Variants in PCSK5 observed in about 807,000 individuals in gnomAD.
PCSK5 encodes prohormone convertase 5.
A neutral mutation model predicts 233.2 loss-of-function variants in PCSK5; 129 were observed. That is an observed-to-expected ratio of 0.55 (90% CI 0.48 to 0.64). PCSK5 has a LOEUF of 0.64. PCSK5 is among the 30% of genes least tolerant of loss of function. The pLI, the probability that PCSK5 is intolerant of heterozygous loss-of-function variation, is 0.00. For synonymous variants in PCSK5, 825 were observed against 879.2 expected (o/e 0.94, Z 1.09); for missense variants, 2,076 against 2,430.1 (o/e 0.85, Z 3.06).
At position 76,350,123 on chromosome 9, in the gene PCSK5, AAAG is replaced by A. The variant is rs530172249; in HGVS notation, c.4967-702_4967-700del. Among the ~76,000 whole-genome samples the A allele has an allele frequency of 2.0e-3, 299 of 151,674 alleles. 1 individual carries two copies. The highest frequency in any genetic ancestry group is 7.1e-3 in the African/African-American group (291 of 41,254). ...CAAGACCCCATCTGAAAAAAAAAAA[AAAG>A]AAAGAAAGACAGATCAACGGATTAT... On this transcript the variant is annotated intron_variant, in intron 35 of 37. Transcript: ENST00000674117.
intron 30 of PCSK5, among the ~76,000 whole-genome samples, chr9:76,316,754 A>C (rs1231039522): frequency 6.6e-6 from 1 of 150,634 alleles, no homozygotes; most frequent in Non-Finnish European, 1.5e-5. Flanking sequence ...AAAAAAAAAA[A>C]AAAAAAAAAA....
At chr9:75,927,836 G>A (rs906687627) in intron 1 of PCSK5, among the ~76,000 whole-genome samples, 4 of 152,186 alleles carry the variant, frequency 2.6e-5, no homozygotes, top group African/African-American at 9.6e-5. Flanking sequence ...TACAGGCTCT[G>A]TGAACTCATT....
chr9:76,253,997 G>C (rs1440693122), intron 24 of PCSK5, among the ~76,000 whole-genome samples: 2 of 152,072 alleles, frequency 1.3e-5, no homozygotes, highest in Non-Finnish European at 2.9e-5. Context: ...CTTCATCATG[G>C]GTGAGCTGAG....
At chr9:75,895,900 T>C (rs1825780865) in intron 1 of PCSK5, among the ~76,000 whole-genome samples, 1 of 152,206 alleles carries the variant, frequency 6.6e-6, no homozygotes, top group South Asian at 2.1e-4. Context: ...CTTGAAATGT[T>C]GATTCACATG....
chr9:76,169,716 C>T lies in PCSK5; in HGVS notation c.1632C>T (p.His544=). Residue 544 remains histidine, a synonymous_variant, in exon 13 of 38, where the codon CAC becomes CAT. Coordinates refer to ENST00000674117, the MANE Select transcript of PCSK5 (RefSeq NM_001372043.1). Reference sequence around the variant, plus strand: ...TGTTCACTTTCAGGCTATTTGATCACTCCATGGAAGGATTCAAAAACTGGG... The same window carrying T: ...TGTTCACTTTCAGGCTATTTGATCATTCCATGGAAGGATTCAAAAACTGGG... ...SQLLANRLFD[H]SMEGFKNWEF... The T allele has an allele frequency of 6.2e-7, 1 of 1,613,604 alleles. No homozygotes were observed.
At chr9:75,892,301 G>T (rs1284325510) in intron 1 of PCSK5, among the ~76,000 whole-genome samples, 1 of 152,226 alleles carries the variant, frequency 6.6e-6, no homozygotes, top group Admixed American at 6.5e-5. Flanking sequence ...GAAGTACTCC[G>T]GGTTCAGTGG....
At chr9:76,205,356 G>A (rs376764354) in intron 20 of PCSK5, among the ~76,000 whole-genome samples, 1 of 152,150 alleles carries the variant, frequency 6.6e-6, no homozygotes, top group African/African-American at 2.4e-5. Context: ...GCAGACCATA[G>A]AGGGCCCTCG....
intron 7 of PCSK5, among the ~76,000 whole-genome samples, chr9:76,076,943 AC>A (rs1039852405): frequency 6.6e-6 from 1 of 152,188 alleles, no homozygotes; most frequent in African/African-American, 2.4e-5. Context: ...TTAACATTTT[AC>A]CCAGTTTATT....
intron 1 of PCSK5, among the ~76,000 whole-genome samples, chr9:75,914,359 G>C (rs1015636688): frequency 3.3e-5 from 5 of 152,090 alleles, no homozygotes; most frequent in Non-Finnish European, 5.9e-5. Context: ...CTTACTATTA[G>C]GAAGAGTGTG....
chr9:76,248,904 C>T (rs1826705037), intron 24 of PCSK5, among the ~76,000 whole-genome samples: 1 of 152,180 alleles, frequency 6.6e-6, no homozygotes, highest in Non-Finnish European at 1.5e-5. Context: ...GTTCCTGGGA[C>T]TACAGGCATG....
chr9:76,162,190 A>G (rs1404638109), intron 12 of PCSK5, among the ~76,000 whole-genome samples: 3 of 152,172 alleles, frequency 2.0e-5, no homozygotes, highest in Non-Finnish European at 2.9e-5. Context: ...AAAACCATGA[A>G]TGGCCACCTT....
chr9:76,064,963 A>T (rs1408210379), intron 5 of PCSK5, among the ~76,000 whole-genome samples: 1 of 152,262 alleles, frequency 6.6e-6, no homozygotes, highest in Admixed American at 6.5e-5. Context: ...TTGGGATTAC[A>T]GGCATGGGCC....
At chr9:76,120,895 A>G (rs1832604987) in intron 9 of PCSK5, among the ~76,000 whole-genome samples, 1 of 152,028 alleles carries the variant, frequency 6.6e-6, no homozygotes, top group African/African-American at 2.4e-5. Context: ...ACCTTGTTTA[A>G]TTGGAGTTTT....
At chr9:76,177,522 G>A (rs12684735) in intron 14 of PCSK5, among the ~76,000 whole-genome samples, 41,850 of 152,088 alleles carry the variant, frequency 0.28, 6,347 homozygotes, top group East Asian at 0.58. Context: ...GACCAATTGA[G>A]CTTATCAGAG....
intron 20 of PCSK5, among the ~76,000 whole-genome samples, chr9:76,201,176 G>A (rs11144794): frequency 0.16 from 24,059 of 152,168 alleles, 2,376 homozygotes; most frequent in Non-Finnish European, 0.22. Flanking sequence ...AGCCTGCTCA[G>A]TACCATCTTT....
chr9:76,068,364 A>G (rs1286211216), intron 6 of PCSK5, among the ~76,000 whole-genome samples: 1 of 152,212 alleles, frequency 6.6e-6, no homozygotes, highest in African/African-American at 2.4e-5. Context: ...GGTTAGAACG[A>G]ACTAATAATA....
At chr9:76,145,290 T>C (rs1435065956) in intron 10 of PCSK5, among the ~76,000 whole-genome samples, 9 of 152,220 alleles carry the variant, frequency 5.9e-5, no homozygotes, top group Admixed American at 5.2e-4. Flanking sequence ...ACAAAAATGA[T>C]GGAAGCTTCA....
At chr9:76,007,731 AT>A (rs949704523) in intron 3 of PCSK5, among the ~76,000 whole-genome samples, 3 of 147,664 alleles carry the variant, frequency 2.0e-5, no homozygotes, top group Non-Finnish European at 4.4e-5. Flanking sequence ...GGTTCAAGTG[AT>A]TCTCCCACCT....
At position 76,194,681 on chromosome 9, in the gene PCSK5, A is replaced by G. The variant is rs2131257987; in HGVS notation, c.2626+4935A>G. 8.9e-6 allele frequency: 4 copies of G among 448,140 alleles called. No individual in the cohort carries two copies. The Middle Eastern group carries it at 1.1e-3, about 121-fold the overall frequency. The allele number at this position is 448,140 out of a possible 1,614,324, so 27.8% of individuals were successfully genotyped here. A position where few individuals can be genotyped will look rare whatever the true frequency, so the allele number is the denominator to read the frequency against. ...TTCATCGAAACTAGAAGACTGAATT[A>G]TGAGGAAACTATTTGGATTAGTGGC... On this transcript the variant is annotated intron_variant, in intron 20 of 37. Coordinates refer to ENST00000674117, the MANE Select transcript of PCSK5 (RefSeq NM_001372043.1).
Sources: allele counts gnomAD v4.1 joint callset (sites outside exome capture counted in the v4.1 genomes callset), GRCh38; gene constraint gnomAD v4.1.1; transcripts MANE v1.5; gene names NCBI Gene and HGNC (gene_info 2026-07-23, HGNC 2026-07-21).